Variants in PCDHGB3 observed in about 807,000 individuals in gnomAD.
The protein encoded by PCDHGB3 is protocadherin gamma subfamily B, 3.
In PCDHGB3, 40 loss-of-function variants were observed where a neutral mutation model predicts 59.2. The ratio of observed to expected loss-of-function variants is 0.68; its 90% CI spans 0.52 to 0.88. The LOEUF is 0.88. Among genes scored for constraint, PCDHGB3 ranks in the 40% least tolerant of loss-of-function variants. The probability of loss-of-function intolerance (pLI) is 0.00; values close to 1 mark genes in which losing one functional copy is unlikely to be tolerated. For synonymous variants in PCDHGB3, 581 were observed against 503.6 expected (o/e 1.15, Z -2.06); for missense variants, 1,309 against 1,187.9 (o/e 1.10, Z -1.50).
At chr5:141,507,810 G>C (rs550331241) in intron 3 of PCDHGB3, among the ~76,000 whole-genome samples, 5 of 152,172 alleles carry the variant, frequency 3.3e-5, no homozygotes, top group Non-Finnish European at 2.9e-5. Context: ...CCTGGGGAAC[G>C]GACCCTGGGG....
Position 141,489,980 on chromosome 5 carries a change from T to G in PCDHGB3, c.2416-4827T>G, listed in dbSNP as rs2099694325. 1.2e-6 allele frequency: 2 copies of G among 1,614,204 alleles called. No individual in the cohort carries two copies. The highest frequency in any genetic ancestry group is 1.7e-6 in the Non-Finnish European group (2 of 1,180,012). On this transcript the variant is annotated intron_variant, in intron 1 of 3. Transcript: ENST00000576222. This position sits in a 1 kb window ranked among gnomAD's most constrained non-coding sequence, Gnocchi z 4.5. ...GCTCCAACCTTCCAATCCTCAGTTC[T>G]ACGTGTGGGAATCCCAGAGAATGCA...
chr5:141,406,647 A>G (rs2094834813), intron 1 of PCDHGB3, among the ~76,000 whole-genome samples: 1 of 152,182 alleles, frequency 6.6e-6, no homozygotes, highest in Non-Finnish European at 1.5e-5. Context: ...TAATTTCCTA[A>G]TGCTTTAATG....
At chr5:141,495,452 C>T (rs543717781) in intron 2 of PCDHGB3, among the ~76,000 whole-genome samples, 1 of 152,356 alleles carries the variant, frequency 6.6e-6, no homozygotes, top group Non-Finnish European at 1.5e-5. Context: ...TTGTCCTGCT[C>T]TCTGTCTGTG....
Position 141,432,433 on chromosome 5 carries a change from T to C in PCDHGB3, c.2415+59624T>C, listed in dbSNP as rs760107558. 10 of 1,613,996 alleles carry C rather than the reference T, an allele frequency of 6.2e-6. No individual in the cohort carries two copies. The South Asian group carries it at 8.8e-5, about 14-fold the overall frequency. ...TGTTCGTGCTGGACCAGAACGACAA[T>C]GCGCCCGAGATCCTGTACCCCGCCC... On this transcript the variant is annotated intron_variant, in intron 1 of 3. Transcript: ENST00000576222. This position sits in a 1 kb window ranked among gnomAD's most constrained non-coding sequence, Gnocchi z 6.0.
intron 1 of PCDHGB3, chr5:141,424,465 A>G (rs564844819): frequency 1.3e-5 from 2 of 152,146 alleles, no homozygotes; most frequent in Admixed American, 6.5e-5. Context: ...ATTTCCTTTT[A>G]TTCTTTTACT....
intron 1 of PCDHGB3, chr5:141,419,006 A>T: frequency 6.2e-7 from 1 of 1,614,006 alleles, no homozygotes. Context: ...TGGGGAAGTC[A>T]GGTGTAGCTT....
intron 1 of PCDHGB3, chr5:141,383,106 A>T (rs760790560): frequency 6.2e-7 from 1 of 1,613,828 alleles, no homozygotes; most frequent in Non-Finnish European, 8.5e-7. Context: ...TCATCTCCAG[A>T]GGTAGGACGC....
chr5:141,386,595 A>C (rs77368271), intron 1 of PCDHGB3, among the ~76,000 whole-genome samples: 1 of 146,110 alleles, frequency 6.8e-6, no homozygotes, highest in African/African-American at 2.5e-5. Context: ...TGGGGGATAC[A>C]TTTTTTTTTT....
intron 1 of PCDHGB3, chr5:141,390,878 G>A (rs2092258677): frequency 6.5e-6 from 1 of 153,282 alleles, no homozygotes; most frequent in Non-Finnish European, 1.5e-5. Flanking sequence ...GTGTGTGTGT[G>A]TGTGTGTGTG....
intron 1 of PCDHGB3, chr5:141,422,968 C>A (rs766010601): frequency 6.2e-7 from 1 of 1,614,240 alleles, no homozygotes; most frequent in Non-Finnish European, 8.5e-7. Context: ...GCTGGCGCCC[C>A]GCTCTGCGGA....
intron 1 of PCDHGB3, chr5:141,376,385 C>T (rs1200175997): frequency 6.2e-7 from 1 of 1,614,120 alleles, no homozygotes; most frequent in Non-Finnish European, 8.5e-7. Flanking sequence ...TAAGAGTCAT[C>T]TGATTTTCCC....
chr5:141,410,699 A>G (rs760193148), intron 1 of PCDHGB3: 1 of 1,478,344 alleles, frequency 6.8e-7, no homozygotes, highest in East Asian at 2.3e-5. Flanking sequence ...CTTTATTTTC[A>G]TATCTAGAAT....
intron 1 of PCDHGB3, chr5:141,377,922 C>A (rs1453139299): frequency 6.6e-6 from 1 of 152,166 alleles, no homozygotes; most frequent in East Asian, 1.9e-4. Context: ...TAAAAATCCA[C>A]CTGTAACTGC....
intron 1 of PCDHGB3, chr5:141,413,097 C>T (rs531228946): frequency 1.4e-6 from 2 of 1,447,922 alleles, no homozygotes; most frequent in African/African-American, 1.4e-5. Flanking sequence ...CACCCTGAAG[C>T]CACAGAAAGA....
intron 1 of PCDHGB3, chr5:141,384,896 A>G (rs1588983120): frequency 1.2e-6 from 2 of 1,613,766 alleles, no homozygotes; most frequent in African/African-American, 1.3e-5. Flanking sequence ...GCTGTGGCTG[A>G]CAGCATCCCC....
Position 141,489,358 on chromosome 5 carries a change from G to C in PCDHGB3, c.2416-5449G>C. 1 of 1,613,144 alleles carries C rather than the reference G, an allele frequency of 6.2e-7. No homozygotes were observed. The highest frequency in any genetic ancestry group is 1.7e-4 in the Middle Eastern group (1 of 6,052). On this transcript the variant is annotated intron_variant, in intron 1 of 3. Coordinates refer to ENST00000576222, the MANE Select transcript of PCDHGB3 (RefSeq NM_018924.5). The surrounding 1 kb of genome is among the most constrained non-coding windows in gnomAD (Gnocchi z 4.5). ...TCGTTACTCAGTGGTGGAGGAGTCT[G>C]AGCCGGGGACGCTGGTGGGGAATGT...
At position 141,430,859 on chromosome 5, in the gene PCDHGB3, T is replaced by G. The variant is rs770543752; in HGVS notation, c.2415+58050T>G. The stretch of plus-strand genomic sequence containing the variant: ...GACCGGATGCACCCAGATACGCTAT[T>G]CAGTTCCGGAAGAGCTGGAGAAAGG... On this transcript the variant is annotated intron_variant, in intron 1 of 3. Transcript: ENST00000576222. 5.0e-6 allele frequency: 8 copies of G among 1,592,398 alleles called. No homozygotes were observed. The East Asian group carries it at 1.6e-4, about 31-fold the overall frequency.
chr5:141,464,907 T>A lies in PCDHGB3; in HGVS notation c.2416-29900T>A, dbSNP rs187725683. On this transcript the variant is annotated intron_variant, in intron 1 of 3. Transcript: ENST00000576222. ...ATGGATGCCACCATGTCCAGCTAAT[T>A]TTTTTATTTTTTTGTAGAGATGTGA... 4.5e-3 allele frequency among the ~76,000 whole-genome samples: 687 copies of A among 152,148 alleles called. 4 individuals are homozygous for A. Among genetic ancestry groups the A allele is most frequent in the African/African-American group, 0.015 (630 of 41,510 alleles).
chr5:141,396,911 T>C (rs756096789), intron 1 of PCDHGB3, among the ~76,000 whole-genome samples: 3 of 152,238 alleles, frequency 2.0e-5, no homozygotes, highest in Non-Finnish European at 4.4e-5. Context: ...CACTTTGCAA[T>C]TTTAAAAACT....
Sources: gnomAD v4.1 joint callset for allele counts (sites outside exome capture counted in the v4.1 genomes callset) on GRCh38, gnomAD v4.1.1 for gene constraint, Gnocchi (gnomAD v3.1) non-coding constraint, MANE v1.5 for transcripts, NCBI Gene and HGNC (gene_info 2026-07-23, HGNC 2026-07-21) for gene names.